Variants in GRIP1 observed in about 807,000 individuals in gnomAD.
The protein encoded by GRIP1 is glutamate receptor-interacting protein 1.
In GRIP1, 45 loss-of-function variants were observed where a neutral mutation model predicts 129.9. That is an observed-to-expected ratio of 0.35 (90% CI 0.27 to 0.44). GRIP1 has a LOEUF of 0.44. Among genes scored for constraint, GRIP1 ranks in the 20% least tolerant of loss-of-function variants. The pLI is 1.00. For synonymous variants in GRIP1, 530 were observed against 520.8 expected (o/e 1.02, Z -0.24); for missense variants, 1,196 against 1,396.8 (o/e 0.86, Z 2.29).
chr12:66,961,697 T>G (rs984360739), intron 1 of GRIP1, among the ~76,000 whole-genome samples: 4 of 152,128 alleles, frequency 2.6e-5, no homozygotes, highest in African/African-American at 9.7e-5. Flanking sequence ...CATCAAATAT[T>G]TATTGAATAC....
chr12:66,864,118 C>A (rs1730343321), intron 1 of GRIP1, among the ~76,000 whole-genome samples: 1 of 152,116 alleles, frequency 6.6e-6, no homozygotes, highest in South Asian at 2.1e-4. Flanking sequence ...AAGCACTTCA[C>A]ATGTGTGGAT....
At chr12:66,373,451 T>A (rs149185884) in intron 22 of GRIP1, among the ~76,000 whole-genome samples, 1 of 152,152 alleles carries the variant, frequency 6.6e-6, no homozygotes, top group African/African-American at 2.4e-5. Flanking sequence ...CAAGGTCACA[T>A]TGGTAGTAAA....
intron 1 of GRIP1, among the ~76,000 whole-genome samples, chr12:66,774,288 C>G (rs1490893280): frequency 6.6e-6 from 1 of 152,172 alleles, no homozygotes; most frequent in Non-Finnish European, 1.5e-5. Flanking sequence ...CAAATGAGAT[C>G]ATGTTTTCCT....
At chr12:67,068,915 C>A (rs7301580) in intron 1 of GRIP1, 62,881 of 158,504 alleles carry the variant, frequency 0.4, 13,926 homozygotes, top group East Asian at 0.62. Context: ...TGGATTCGCC[C>A]GCGGGCCCTG....
intron 7 of GRIP1, 90 bp downstream of exon 7, chr12:66,515,529 G>T: frequency 8.5e-7 from 1 of 1,178,734 alleles, no homozygotes; most frequent in South Asian, 1.2e-5. Context: ...AGGAGGGCAT[G>T]ACAATACATA....
chr12:66,555,837 ATGAACT>A (rs1455011633), intron 2 of GRIP1, among the ~76,000 whole-genome samples: 1 of 152,100 alleles, frequency 6.6e-6, no homozygotes, highest in African/African-American at 2.4e-5. Flanking sequence ...GGAAGAATTA[ATGAACT>A]TGAAGACAGT....
chr12:66,682,752 G>A (rs1359732579), upstream of GRIP1, among the ~76,000 whole-genome samples: 1 of 151,962 alleles, frequency 6.6e-6, no homozygotes, highest in East Asian at 1.9e-4. Flanking sequence ...CCTAAACCTG[G>A]AAATTCATTT....
chr12:66,729,091 T>C (rs987001461), intron 1 of GRIP1, among the ~76,000 whole-genome samples: 4 of 152,002 alleles, frequency 2.6e-5, no homozygotes, highest in Admixed American at 6.6e-5. Context: ...TCTCACTATG[T>C]TTCCCAGGCT....
chr12:66,390,537 G>A (rs912634827), intron 19 of GRIP1, among the ~76,000 whole-genome samples: 3 of 152,126 alleles, frequency 2.0e-5, no homozygotes, highest in African/African-American at 7.2e-5. Flanking sequence ...TTTTACTAGT[G>A]AGGGGCAGGT....
chr12:66,557,481 A>T (rs1043507026), intron 2 of GRIP1, among the ~76,000 whole-genome samples: 1 of 152,220 alleles, frequency 6.6e-6, no homozygotes, highest in Non-Finnish European at 1.5e-5. Context: ...CCTAATTGGT[A>T]TCTACGGAAC....
intron 1 of GRIP1, among the ~76,000 whole-genome samples, chr12:66,959,448 T>A (rs1036142566): frequency 1.3e-5 from 2 of 152,200 alleles, no homozygotes; most frequent in African/African-American, 2.4e-5. Context: ...GCACAGATTA[T>A]GCATCTATTA....
intron 1 of GRIP1, among the ~76,000 whole-genome samples, chr12:66,726,346 A>G (rs2036253648): frequency 6.6e-6 from 1 of 152,166 alleles, no homozygotes. Flanking sequence ...ACTGTAGAAT[A>G]TGTAAAATTA....
intron 15 of GRIP1, among the ~76,000 whole-genome samples, chr12:66,420,100 AAAT>A (rs762919099): frequency 2.6e-5 from 4 of 152,228 alleles, no homozygotes; most frequent in Non-Finnish European, 5.9e-5. Flanking sequence ...TCGGTCTCAA[AAAT>A]AAAACAAAGT....
rs1299966411 is a variant in GRIP1, at chr12:66,499,935, AGGGG to A, written c.724+15680_724+15683del. ...TGAGGTGGGAGGATAGCTTGAGCCC[AGGGG>A]GTCAGGGCTGCTGTGAACCTACCAC... On this transcript the variant is annotated intron_variant, in intron 7 of 24. Transcript: ENST00000359742. Among the ~76,000 whole-genome samples, 23 of 152,240 alleles carry A rather than the reference AGGGG, an allele frequency of 1.5e-4. No homozygotes were observed. In the East Asian group the frequency reaches 4.4e-3, roughly 29 times the overall value.
At chr12:66,395,500 C>A (rs2056754111) in intron 16 of GRIP1, among the ~76,000 whole-genome samples, 1 of 152,170 alleles carries the variant, frequency 6.6e-6, no homozygotes, top group Non-Finnish European at 1.5e-5. Flanking sequence ...CTTGAGTTAA[C>A]AATTCAATTA....
chr12:66,683,803 G>A (rs995312824), upstream of GRIP1, among the ~76,000 whole-genome samples: 4 of 152,188 alleles, frequency 2.6e-5, no homozygotes, highest in Admixed American at 6.5e-5. Context: ...GCATCTGGTG[G>A]AAAATGTTAA....
At chr12:66,638,602 C>T (rs1043622477) in intron 1 of GRIP1, among the ~76,000 whole-genome samples, 5 of 152,188 alleles carry the variant, frequency 3.3e-5, no homozygotes. Flanking sequence ...TTAAGCACTT[C>T]TCTTACCTTT....
chr12:66,789,527 A>G lies in GRIP1; in HGVS notation c.-420+14526T>C, dbSNP rs376518110. On this transcript the variant is annotated intron_variant, in intron 1 of 4. Transcript: ENST00000538373. ...TAAAATTTTAAAATAATATAAAATT[A>G]TAATTATTGCAATGGTTATTACCAA... 2.6e-5 allele frequency among the ~76,000 whole-genome samples: 4 copies of G among 152,178 alleles called. No homozygotes were observed. The East Asian group carries it at 5.8e-4, about 22-fold the overall frequency.
chr12:67,043,941 G>A (rs1039298248), intron 1 of GRIP1, among the ~76,000 whole-genome samples: 4 of 151,950 alleles, frequency 2.6e-5, no homozygotes, highest in Non-Finnish European at 5.9e-5. Flanking sequence ...GCTATTTGGA[G>A]GAAATCCAAA....
Sources: allele counts gnomAD v4.1 joint callset (sites outside exome capture counted in the v4.1 genomes callset), GRCh38; gene constraint gnomAD v4.1.1; transcripts MANE v1.5; gene names NCBI Gene and HGNC (gene_info 2026-07-23, HGNC 2026-07-21).